Variants in SCN3A observed in about 807,000 individuals in gnomAD.
The protein encoded by SCN3A is sodium voltage-gated channel alpha subunit 3.
SCN3A carries 60 observed loss-of-function variants against 187.6 expected under a neutral mutation model. The observed-to-expected ratio is 0.32, with a 90% CI of 0.26 to 0.40. SCN3A has a LOEUF of 0.40. SCN3A is among the 10% of genes least tolerant of loss of function. The pLI is 1.00. For synonymous variants in SCN3A, 788 were observed against 829.2 expected (o/e 0.95, Z 0.85); for missense variants, 1,601 against 2,428.2 (o/e 0.66, Z 7.16).
At chr2:165,103,091 T>C (rs574532685) in intron 21 of SCN3A, among the ~76,000 whole-genome samples, 14 of 152,364 alleles carry the variant, frequency 9.2e-5, no homozygotes, top group South Asian at 4.1e-4. Context: ...AACCTTATTT[T>C]AGTGGTTTAA....
chr2:165,137,573 T>C (rs1227767223), intron 15 of SCN3A, among the ~76,000 whole-genome samples: 7 of 152,136 alleles, frequency 4.6e-5, no homozygotes, highest in Non-Finnish European at 1.0e-4. Flanking sequence ...GTGGAGCCAG[T>C]ATTAGATCTC....
At chr2:165,097,649 T>C in intron 22 of SCN3A, 125 bp from the exon 23 acceptor site, 1 of 1,210,798 alleles carries the variant, frequency 8.3e-7, no homozygotes, top group Non-Finnish European at 1.2e-6. Flanking sequence ...GTGGACAAGT[T>C]GTTTCTTCTA....
At chr2:165,175,618 G>A (rs1026517485) in intron 3 of SCN3A, among the ~76,000 whole-genome samples, 3 of 151,808 alleles carry the variant, frequency 2.0e-5, no homozygotes, top group East Asian at 1.9e-4. Context: ...CTAGGTTACT[G>A]GGGGGGAAAG....
At chr2:165,148,842 A>T (rs1245791076) in intron 11 of SCN3A, among the ~76,000 whole-genome samples, 2 of 152,116 alleles carry the variant, frequency 1.3e-5, no homozygotes, top group Admixed American at 1.3e-4. Flanking sequence ...CATGATGTAA[A>T]ATGAGAAATA....
At chr2:165,096,397 T>A in intron 24 of SCN3A, 70 bp downstream of exon 24, 2 of 1,185,174 alleles carry the variant, frequency 1.7e-6, no homozygotes, top group Non-Finnish European at 2.5e-6. Context: ...GATGTATCAG[T>A]GTTTAAATTA....
In SCN3A at chr2:165,130,513, C is replaced by T. The variant is rs1687249442; in HGVS notation, c.2566-217G>A. ...TTTAAGTGCAAAAATAAAAATAAAACATTTCAGAAATAATAAATAAAACAT... is the reference window on the plus strand; with the variant it reads ...TTTAAGTGCAAAAATAAAAATAAAATATTTCAGAAATAATAAATAAAACAT... On this transcript the variant is annotated intron_variant, in intron 16 of 27. Coordinates refer to ENST00000283254, the MANE Select transcript of SCN3A (RefSeq NM_006922.4). The T allele has an allele frequency of 1.4e-5, 8 of 567,776 alleles. No homozygotes were observed. The East Asian group carries it at 1.8e-4, about 13-fold the overall frequency. 35.2% of individuals were successfully genotyped at this position (567,776 alleles called of 1,614,324 possible).
chr2:165,106,817 T>C (rs896952823), intron 21 of SCN3A, among the ~76,000 whole-genome samples: 1 of 152,148 alleles, frequency 6.6e-6, no homozygotes, highest in Non-Finnish European at 1.5e-5. Context: ...AAGAGTGATG[T>C]AGGTCTTCCG....
intron 20 of SCN3A, 63 bp downstream of exon 20, chr2:165,113,753 G>A (rs1574130923): frequency 3.2e-6 from 5 of 1,538,824 alleles, no homozygotes; most frequent in East Asian, 2.3e-5. Flanking sequence ...TTTGCATCTG[G>A]TAATTTTGGA....
At chr2:165,191,729 T>C (rs529996139) in intron 1 of SCN3A, among the ~76,000 whole-genome samples, 1 of 152,320 alleles carries the variant, frequency 6.6e-6, no homozygotes, top group East Asian at 1.9e-4. Flanking sequence ...TATAACTTAC[T>C]TATAATGTTT....
chr2:165,103,605 C>T (rs973537199), intron 21 of SCN3A, among the ~76,000 whole-genome samples: 1 of 152,110 alleles, frequency 6.6e-6, no homozygotes, highest in African/African-American at 2.4e-5. Context: ...GGGGTTGGTT[C>T]AGTTGTCATC....
chr2:165,120,103 G>A (rs1452430846), intron 18 of SCN3A, among the ~76,000 whole-genome samples: 1 of 152,098 alleles, frequency 6.6e-6, no homozygotes, highest in Non-Finnish European at 1.5e-5. Context: ...CAGGTTTTAA[G>A]ATGCAACATT....
chr2:165,193,238 G>C (rs550009692), intron 1 of SCN3A, among the ~76,000 whole-genome samples: 1 of 152,168 alleles, frequency 6.6e-6, no homozygotes, highest in East Asian at 1.9e-4. Context: ...TGTTCTACAT[G>C]GGGGAGGGGG....
At chr2:165,121,764 T>C (rs1468936915) in intron 18 of SCN3A, among the ~76,000 whole-genome samples, 2 of 152,194 alleles carry the variant, frequency 1.3e-5, no homozygotes, top group African/African-American at 2.4e-5. Context: ...ACCCGCACTC[T>C]GGCTGAGATT....
intron 21 of SCN3A, among the ~76,000 whole-genome samples, chr2:165,101,783 T>A (rs1352367213): frequency 1.3e-5 from 2 of 152,150 alleles, no homozygotes; most frequent in Non-Finnish European, 2.9e-5. Flanking sequence ...TATGATGAAA[T>A]CAATAATGTG....
At position 165,134,930 on chromosome 2, in the gene SCN3A, T is replaced by C. The variant is rs1297197932; in HGVS notation, c.2391+2949A>G. Among the ~76,000 whole-genome samples, 5 of 151,992 alleles carry C rather than the reference T, an allele frequency of 3.3e-5. No individual in the cohort carries two copies. In the East Asian group the frequency reaches 9.7e-4, roughly 29 times the overall value. On this transcript the variant is annotated intron_variant, in intron 15 of 27. Coordinates refer to ENST00000283254, the MANE Select transcript of SCN3A (RefSeq NM_006922.4). ...TAGATCTCATACCTTTAAAAACATA[T>C]ACCCTAAATTTACGCTTATCTAAAA... is the stretch of plus-strand genomic sequence containing the variant.
chr2:165,178,130 ATG>A (rs1690585682), intron 2 of SCN3A, among the ~76,000 whole-genome samples: 1 of 152,160 alleles, frequency 6.6e-6, no homozygotes, highest in African/African-American at 2.4e-5. Context: ...ATAGCTTATT[ATG>A]TGTGTGGGGG....
chr2:165,166,729 C>T (rs1399941519), intron 5 of SCN3A, among the ~76,000 whole-genome samples: 1 of 152,124 alleles, frequency 6.6e-6, no homozygotes, highest in African/African-American at 2.4e-5. Flanking sequence ...TTTTTTCCTG[C>T]TGGCTTGCTT....
At chr2:165,188,071 G>T (rs1691352240) in intron 1 of SCN3A, among the ~76,000 whole-genome samples, 1 of 152,112 alleles carries the variant, frequency 6.6e-6, no homozygotes, top group Admixed American at 6.6e-5. Flanking sequence ...AAATATTTGA[G>T]AGCTTTTTGC....
intron 11 of SCN3A, among the ~76,000 whole-genome samples, chr2:165,152,589 G>C (rs1317761080): frequency 6.6e-6 from 1 of 152,176 alleles, no homozygotes; most frequent in Non-Finnish European, 1.5e-5. Context: ...TATATATCCA[G>C]TAATGGGATG....
Sources: allele counts gnomAD v4.1 joint callset (sites outside exome capture counted in the v4.1 genomes callset), GRCh38; gene constraint gnomAD v4.1.1; transcripts MANE v1.5; gene names NCBI Gene and HGNC (gene_info 2026-07-23, HGNC 2026-07-21).